Variants in RBMS1 observed in about 807,000 individuals in gnomAD.
RBMS1 encodes RNA-binding motif, single-stranded-interacting protein 1.
RBMS1 carries 17 observed loss-of-function variants against 62.3 expected under a neutral mutation model. The ratio of observed to expected loss-of-function variants is 0.27; its 90% CI spans 0.19 to 0.41. RBMS1 has a LOEUF of 0.41. Ranked by LOEUF, RBMS1 falls within the 10% of genes least tolerant of loss-of-function variation. The pLI, the probability that RBMS1 is intolerant of heterozygous loss-of-function variation, is 1.00. For synonymous variants in RBMS1, 172 were observed against 170.0 expected (o/e 1.01, Z -0.09); for missense variants, 334 against 504.5 (o/e 0.66, Z 3.24).
Position 160,311,242 on chromosome 2 carries a change from A to C in RBMS1, c.402+1914T>G, listed in dbSNP as rs990728169. Among the ~76,000 whole-genome samples the C allele has an allele frequency of 3.0e-3, 376 of 123,562 alleles. 3 individuals are homozygous for C. The highest frequency in any genetic ancestry group is 6.2e-3 in the African/African-American group (228 of 36,514). The allele number at this position is 123,562 out of a possible 152,430, so 81.1% of individuals were successfully genotyped here. A position where few individuals can be genotyped will look rare whatever the true frequency, so the allele number is the denominator to read the frequency against. ...TATCTATCTATCTATCTATATATATATATATATATATATATAGTCTGTTTA... is the reference window on the plus strand; with the variant it reads ...TATCTATCTATCTATCTATATATATCTATATATATATATATAGTCTGTTTA... On this transcript the variant is annotated intron_variant, in intron 4 of 13. Coordinates refer to ENST00000348849, the MANE Select transcript of RBMS1 (RefSeq NM_016836.4).
chr2:160,463,040 G>A (rs1238178072), intron 1 of RBMS1, among the ~76,000 whole-genome samples: 1 of 152,080 alleles, frequency 6.6e-6, no homozygotes, highest in Non-Finnish European at 1.5e-5. Flanking sequence ...AAGGAAATGG[G>A]CTCTTCCTGC....
At chr2:160,484,885 A>AAAG in intron 1 of RBMS1, among the ~76,000 whole-genome samples, 1 of 151,918 alleles carries the variant, frequency 6.6e-6, no homozygotes, top group South Asian at 2.1e-4. Context: ...AAAAAAAAAA[A>AAAG]TTTACGAAGC....
intron 2 of RBMS1, among the ~76,000 whole-genome samples, chr2:160,337,004 G>A (rs532445495): frequency 2.0e-5 from 3 of 152,224 alleles, no homozygotes; most frequent in Admixed American, 2.0e-4. Context: ...TACTTCTGAA[G>A]TTATTTTTCT....
intron 2 of RBMS1, among the ~76,000 whole-genome samples, chr2:160,352,208 G>A (rs1010617778): frequency 3.3e-5 from 5 of 152,066 alleles, no homozygotes; most frequent in South Asian, 2.1e-4. Context: ...CGGAAGGAGC[G>A]TCTTCCTGTG....
chr2:160,379,929 A>C (rs970755959), intron 1 of RBMS1, among the ~76,000 whole-genome samples: 1 of 152,186 alleles, frequency 6.6e-6, no homozygotes, highest in Non-Finnish European at 1.5e-5. Flanking sequence ...CTGGGTGTGG[A>C]GATCAGTGGG....
intron 2 of RBMS1, among the ~76,000 whole-genome samples, chr2:160,343,511 A>G (rs1691999826): frequency 6.6e-6 from 1 of 152,118 alleles, no homozygotes. Context: ...AGCCTATCGG[A>G]TTACTGGTTC....
intron 1 of RBMS1, among the ~76,000 whole-genome samples, chr2:160,383,795 CTTTAACCATAT>C (rs1196699836): frequency 6.6e-6 from 1 of 152,214 alleles, no homozygotes; most frequent in Admixed American, 6.5e-5. Flanking sequence ...CCAATGAGTT[CTTTAACCATAT>C]TTAGATCCAG....
chr2:160,389,599 G>A (rs1215775871), intron 1 of RBMS1, among the ~76,000 whole-genome samples: 1 of 150,386 alleles, frequency 6.6e-6, no homozygotes, highest in Non-Finnish European at 1.5e-5. Flanking sequence ...TCAGGAGGCT[G>A]AGGCAGGAGA....
At chr2:160,338,143 C>A (rs1573888637) in intron 2 of RBMS1, among the ~76,000 whole-genome samples, 1 of 152,146 alleles carries the variant, frequency 6.6e-6, no homozygotes, top group East Asian at 1.9e-4. Flanking sequence ...TGGTAACTGT[C>A]CTCCTTATGG....
intron 4 of RBMS1, among the ~76,000 whole-genome samples, chr2:160,308,218 A>C (rs1689650761): frequency 6.6e-6 from 1 of 152,032 alleles, no homozygotes; most frequent in Non-Finnish European, 1.5e-5. Flanking sequence ...ACATGGCGAA[A>C]CCTGGTCTCT....
chr2:160,476,903 C>T (rs1386591048), intron 1 of RBMS1, among the ~76,000 whole-genome samples: 1 of 152,186 alleles, frequency 6.6e-6, no homozygotes, highest in Non-Finnish European at 1.5e-5. Flanking sequence ...TAAAGGAAGC[C>T]TGCATGTACA....
At chr2:160,317,083 A>G (rs1690267122) in intron 3 of RBMS1, among the ~76,000 whole-genome samples, 1 of 152,162 alleles carries the variant, frequency 6.6e-6, no homozygotes, top group Non-Finnish European at 1.5e-5. Context: ...CCCAAGGCAA[A>G]ATTGCCTTAA....
chr2:160,479,307 C>T (rs1685267532), intron 1 of RBMS1, among the ~76,000 whole-genome samples: 1 of 152,204 alleles, frequency 6.6e-6, no homozygotes, highest in Non-Finnish European at 1.5e-5. Flanking sequence ...TCTGGGCTAC[C>T]CAGCTCATCT....
intron 1 of RBMS1, among the ~76,000 whole-genome samples, chr2:160,385,880 A>G (rs1694543631): frequency 1.3e-5 from 2 of 152,316 alleles, no homozygotes; most frequent in Admixed American, 1.3e-4. Flanking sequence ...GATGCTGGCT[A>G]TATTGGTTCG....
rs550202025 is a variant in RBMS1 at position 160,282,249 on chromosome 2, C to A, written c.901-885G>T. The A allele has an allele frequency of 2.2e-6, 3 of 1,367,740 alleles. No homozygotes were observed. The African/African-American group carries it at 4.4e-5, about 20-fold the overall frequency. The allele number at this position is 1,367,740 out of a possible 1,614,324, so 84.7% of individuals were successfully genotyped here. A position where few individuals can be genotyped will look rare whatever the true frequency, so the allele number is the denominator to read the frequency against. ...AGAGTCATGGGGGAAGAATGTATTG[C>A]GATTTACCTTGATAGCAGAGCCCCG... On this transcript the variant is annotated intron_variant, in intron 9 of 13. Coordinates refer to ENST00000348849, the MANE Select transcript of RBMS1 (RefSeq NM_016836.4).
At chr2:160,301,356 T>G (rs1347428886) in intron 5 of RBMS1, among the ~76,000 whole-genome samples, 1 of 152,216 alleles carries the variant, frequency 6.6e-6, no homozygotes, top group Admixed American at 6.5e-5. Context: ...TGAAAGTATC[T>G]GAGAAACATT....
rs575000260 is a variant in RBMS1 at position 160,361,120 on chromosome 2, A to G, written c.251+6096T>C. ...TGAATCAAGAATTGGTTTAGGAATGAAGGAAGGGCTGTCTGTAAAAGACGC... is the reference window on the plus strand; with the variant it reads ...TGAATCAAGAATTGGTTTAGGAATGGAGGAAGGGCTGTCTGTAAAAGACGC... On this transcript the variant is annotated intron_variant, in intron 2 of 13. Transcript: ENST00000348849. Among the ~76,000 whole-genome samples, 3 of 152,360 alleles carry G rather than the reference A, an allele frequency of 2.0e-5. No individual in the cohort carries two copies. In the South Asian group the frequency reaches 6.2e-4, roughly 32 times the overall value.
chr2:160,356,423 T>C (rs1041509224), intron 2 of RBMS1, among the ~76,000 whole-genome samples: 5 of 142,838 alleles, frequency 3.5e-5, no homozygotes, highest in Non-Finnish European at 6.1e-5. Flanking sequence ...TAGTCTATTG[T>C]AGTTTGTGGT....
chr2:160,451,621 A>T (rs1013303566), intron 1 of RBMS1, among the ~76,000 whole-genome samples: 89 of 151,992 alleles, frequency 5.9e-4, no homozygotes, highest in Admixed American at 2.4e-3. Context: ...TATTATTATT[A>T]TTTTTTTGAC....
Sources: allele counts gnomAD v4.1 joint callset (sites outside exome capture counted in the v4.1 genomes callset), GRCh38; gene constraint gnomAD v4.1.1; transcripts MANE v1.5; gene names NCBI Gene and HGNC (gene_info 2026-07-23, HGNC 2026-07-21).